Variants in PPFIA2 observed in about 807,000 individuals in gnomAD.
PPFIA2 encodes PPFI scaffold protein A2, also known as liprin-alpha-2.
A neutral mutation model predicts 175.5 loss-of-function variants in PPFIA2; 46 were observed. The observed-to-expected ratio is 0.26, with a 90% CI of 0.21 to 0.34. The LOEUF (loss-of-function observed/expected upper bound fraction) is 0.34, where lower values mean the gene tolerates loss of function less well. Ranked by LOEUF, PPFIA2 falls within the 10% of genes least tolerant of loss-of-function variation. The pLI is 1.00. For missense variants in PPFIA2, 1,179 were observed against 1,506.1 expected, an observed-to-expected ratio of 0.78 and a Z score of 3.60; for synonymous variants, 568 against 511.4, an observed-to-expected ratio of 1.11 and a Z score of -1.49.
intron 19 of PPFIA2, 82 bp from the exon 20 acceptor site, chr12:81,341,290 A>C: frequency 7.4e-7 from 1 of 1,350,516 alleles, no homozygotes; most frequent in East Asian, 2.4e-5. Context: ...CATGAGAACA[A>C]GGCTGTCGAG....
chr12:81,306,667 A>T (rs1462667619), intron 22 of PPFIA2, among the ~76,000 whole-genome samples: 2 of 150,350 alleles, frequency 1.3e-5, no homozygotes, highest in Admixed American at 1.3e-4. Context: ...CAGCCTCCTG[A>T]GTAGCTGTGA....
chr12:81,731,528 T>C (rs562033153), intron 3 of PPFIA2, among the ~76,000 whole-genome samples: 2 of 151,834 alleles, frequency 1.3e-5, no homozygotes, highest in Admixed American at 1.3e-4. Flanking sequence ...AGAGCCTTAC[T>C]GTGCTTATAT....
intron 8 of PPFIA2, among the ~76,000 whole-genome samples, chr12:81,385,359 C>T (rs887512945): frequency 1.3e-5 from 2 of 152,028 alleles, no homozygotes; most frequent in African/African-American, 4.8e-5. Context: ...GGGTATATAA[C>T]CAAAGGAATT....
intron 7 of PPFIA2, among the ~76,000 whole-genome samples, chr12:81,420,673 C>T (rs2046080088): frequency 6.6e-6 from 1 of 151,528 alleles, no homozygotes; most frequent in Admixed American, 6.6e-5. Flanking sequence ...ATCTATGGAA[C>T]ACCATCAAGT....
At chr12:81,382,558 G>A (rs1430721312) in intron 9 of PPFIA2, among the ~76,000 whole-genome samples, 2 of 152,042 alleles carry the variant, frequency 1.3e-5, no homozygotes, top group Non-Finnish European at 2.9e-5. Flanking sequence ...TCTGAGAAGA[G>A]GTCCCATTAT....
At chr12:81,709,930 T>G (rs923798929) in intron 3 of PPFIA2, among the ~76,000 whole-genome samples, 1 of 152,046 alleles carries the variant, frequency 6.6e-6, no homozygotes, top group Non-Finnish European at 1.5e-5. Context: ...CCCAAAATAT[T>G]TTACCAGTTT....
At chr12:81,637,575 A>G (rs962403503) in intron 4 of PPFIA2, among the ~76,000 whole-genome samples, 1 of 152,048 alleles carries the variant, frequency 6.6e-6, no homozygotes, top group Non-Finnish European at 1.5e-5. Flanking sequence ...AACTTACAGC[A>G]TTGTAGCATT....
chr12:81,437,479 C>T (rs759061649), intron 7 of PPFIA2, among the ~76,000 whole-genome samples: 5 of 152,068 alleles, frequency 3.3e-5, no homozygotes, highest in South Asian at 2.1e-4. Flanking sequence ...ATGATCCACC[C>T]GCCTCGGCCT....
At chr12:81,610,464 C>T (rs2060779178) in intron 4 of PPFIA2, among the ~76,000 whole-genome samples, 1 of 152,038 alleles carries the variant, frequency 6.6e-6, no homozygotes, top group Non-Finnish European at 1.5e-5. Flanking sequence ...GACTTAGTTG[C>T]TTCAAAAACT....
At chr12:81,336,525 CT>C (rs1181882706) in intron 21 of PPFIA2, among the ~76,000 whole-genome samples, 1 of 152,134 alleles carries the variant, frequency 6.6e-6, no homozygotes, top group Admixed American at 6.5e-5. Context: ...AAATATTTCC[CT>C]TTGTGAATTA....
intron 4 of PPFIA2, among the ~76,000 whole-genome samples, chr12:81,671,989 C>T (rs141623152): frequency 6.6e-6 from 1 of 151,878 alleles, no homozygotes; most frequent in African/African-American, 2.4e-5. Context: ...TTGGTTTTTG[C>T]CAAACTGTTC....
intron 4 of PPFIA2, among the ~76,000 whole-genome samples, chr12:81,625,529 C>G (rs1397539710): frequency 6.6e-6 from 1 of 151,588 alleles, no homozygotes; most frequent in African/African-American, 2.4e-5. Flanking sequence ...GTAGTTGAAT[C>G]CTGGCTCTGA....
chr12:81,416,762 A>G (rs946690272), intron 7 of PPFIA2, among the ~76,000 whole-genome samples: 2 of 151,726 alleles, frequency 1.3e-5, no homozygotes, highest in African/African-American at 4.8e-5. Flanking sequence ...AGCTAAGGGC[A>G]TAAATGACAA....
chr12:81,742,739 C>A (rs2082478136), intron 3 of PPFIA2, among the ~76,000 whole-genome samples: 2 of 151,998 alleles, frequency 1.3e-5, no homozygotes, highest in African/African-American at 4.8e-5. Context: ...AGGATCCTGG[C>A]CCTGGAGTAA....
intron 4 of PPFIA2, among the ~76,000 whole-genome samples, chr12:81,634,072 A>G (rs1221958632): frequency 6.6e-6 from 1 of 152,076 alleles, no homozygotes; most frequent in African/African-American, 2.4e-5. Context: ...CCAGTAATGC[A>G]TTTTTTGTTT....
chr12:81,485,149 A>G (rs1389782501), intron 4 of PPFIA2, among the ~76,000 whole-genome samples: 1 of 151,828 alleles, frequency 6.6e-6, no homozygotes. Flanking sequence ...AGGGATTATG[A>G]AGTTTTTGCT....
At chr12:81,450,406 T>C (rs2052312611) in intron 5 of PPFIA2, among the ~76,000 whole-genome samples, 2 of 152,250 alleles carry the variant, frequency 1.3e-5, no homozygotes, top group African/African-American at 4.8e-5. Context: ...GTGAGCATTT[T>C]TTCATGTGTC....
intron 4 of PPFIA2, among the ~76,000 whole-genome samples, chr12:81,633,687 G>A (rs759650074): frequency 2.6e-5 from 4 of 151,962 alleles, no homozygotes; most frequent in Non-Finnish European, 5.9e-5. Context: ...AACAAACTAA[G>A]GATCGCATTT....
At chr12:81,582,316 A>AT (rs1567436739) in intron 4 of PPFIA2, among the ~76,000 whole-genome samples, 2 of 151,726 alleles carry the variant, frequency 1.3e-5, no homozygotes, top group Non-Finnish European at 1.5e-5. Context: ...AATGCCTGTG[A>AT]TTTTCTTCAT....
Sources: allele counts gnomAD v4.1 joint callset (sites outside exome capture counted in the v4.1 genomes callset), GRCh38; gene constraint gnomAD v4.1.1; transcripts MANE v1.5; gene names NCBI Gene and HGNC (gene_info 2026-07-23, HGNC 2026-07-21).